Variants in TBC1D32 observed in about 807,000 individuals in gnomAD.
The protein encoded by TBC1D32 is TBC1 domain family member 32.
Under a neutral mutation model 170.3 loss-of-function variants are expected in TBC1D32, and 151 were observed. The observed-to-expected ratio is 0.89, with a 90% CI of 0.78 to 1.01. The LOEUF is 1.01. Ranked by LOEUF, TBC1D32 falls within the 50% of genes least tolerant of loss-of-function variation. The probability of loss-of-function intolerance (pLI) is 0.00; values close to 1 mark genes in which losing one functional copy is unlikely to be tolerated. For synonymous variants in TBC1D32, 498 were observed against 488.0 expected (o/e 1.02, Z -0.27); for missense variants, 1,464 against 1,457.1 (o/e 1.00, Z -0.08).
At chr6:121,175,023 C>CAAAA (rs34244749) in intron 22 of TBC1D32, among the ~76,000 whole-genome samples, 6 of 130,888 alleles carry the variant, frequency 4.6e-5, no homozygotes, top group African/African-American at 8.9e-5. Context: ...CAGACCTTGT[C>CAAAA]AAAAAAAAAA....
rs1033996268 is a variant in TBC1D32 at position 121,169,488 on chromosome 6, G to T, written c.2571-8432C>A. 2.0e-5 allele frequency among the ~76,000 whole-genome samples: 3 copies of T among 152,196 alleles called. No individual in the cohort carries two copies. In the East Asian group the frequency reaches 5.8e-4, roughly 29 times the overall value. ...TCTCTTTGCTAGACAGCAAAAAATT[G>T]ATGGAGATACAATGACATTAATTAA... On this transcript the variant is annotated intron_variant, in intron 22 of 31. Transcript: ENST00000398212.
In TBC1D32 at chr6:121,334,457, A is replaced by T. The variant is rs779480062; in HGVS notation, c.-27T>A. The stretch of plus-strand genomic sequence containing the variant: ...CTGTTGGAATCAAACGTCCACTCTC[A>T]TTACTCCAGGTCCGAGCAAAAGCCG... On this transcript the variant is annotated 5_prime_UTR_variant, in exon 1 of 32. The change abolishes an upstream ATG in the 5' untranslated region. Transcript: ENST00000398212. 1.2e-6 allele frequency: 2 copies of T among 1,604,892 alleles called. No homozygotes were observed. Among genetic ancestry groups the T allele is most frequent in the Non-Finnish European group, 1.7e-6 (2 of 1,175,320 alleles).
At chr6:121,288,467 T>C (rs1273821434) in intron 12 of TBC1D32, among the ~76,000 whole-genome samples, 4 of 152,156 alleles carry the variant, frequency 2.6e-5, no homozygotes, top group Non-Finnish European at 5.9e-5. Context: ...AAGTTGAATC[T>C]CTGAATAGAC....
At chr6:121,101,791 T>G (rs1343263255) in intron 30 of TBC1D32, among the ~76,000 whole-genome samples, 1 of 151,750 alleles carries the variant, frequency 6.6e-6, no homozygotes, top group East Asian at 1.9e-4. Context: ...AAAGAGGAAG[T>G]CAAATTGTCC....
At chr6:121,154,433 T>A (rs1582999077) in intron 24 of TBC1D32, among the ~76,000 whole-genome samples, 2 of 152,216 alleles carry the variant, frequency 1.3e-5, no homozygotes, top group African/African-American at 4.8e-5. Context: ...GCTGTTCCTA[T>A]TACGCCATCT....
chr6:121,276,652 A>T (rs77766800), intron 15 of TBC1D32, among the ~76,000 whole-genome samples: 3,637 of 152,212 alleles, frequency 0.024, 161 homozygotes, highest in East Asian at 0.12. Flanking sequence ...GTCTATAAAA[A>T]TCCCACTTTA....
chr6:121,142,938 C>G (rs1177686243), intron 24 of TBC1D32, among the ~76,000 whole-genome samples: 3 of 152,170 alleles, frequency 2.0e-5, no homozygotes, highest in Non-Finnish European at 4.4e-5. Context: ...AACATGCTAA[C>G]TGGTACTTGC....
At chr6:121,280,393 G>A (rs976098132) in intron 14 of TBC1D32, among the ~76,000 whole-genome samples, 1 of 151,758 alleles carries the variant, frequency 6.6e-6, no homozygotes, top group Non-Finnish European at 1.5e-5. Flanking sequence ...ATATAGTAGA[G>A]GTTCAATGGT....
intron 4 of TBC1D32, among the ~76,000 whole-genome samples, chr6:121,310,291 T>A (rs1402291857): frequency 6.6e-6 from 1 of 152,178 alleles, no homozygotes; most frequent in East Asian, 1.9e-4. Flanking sequence ...AGGCAATGCA[T>A]GTTAGAACAG....
At chr6:121,106,368 A>G (rs1778683591) in intron 29 of TBC1D32, among the ~76,000 whole-genome samples, 1 of 152,032 alleles carries the variant, frequency 6.6e-6, no homozygotes, top group Admixed American at 6.6e-5. Context: ...AGAAATTTTG[A>G]TAAAGGCAGT....
At position 121,080,107 on chromosome 6, in the gene TBC1D32, T is replaced by G. The variant is rs1040702536; in HGVS notation, c.*664A>C. The G allele has an allele frequency of 6.6e-6, 1 of 152,440 alleles. No individual in the cohort carries two copies. The highest frequency in any genetic ancestry group is 1.5e-5 in the Non-Finnish European group (1 of 68,222). 9.4% of individuals were successfully genotyped at this position (152,440 alleles called of 1,614,324 possible). A position where few individuals can be genotyped will look rare whatever the true frequency, so the allele number is the denominator to read the frequency against. ...GAAATACTGTCTTTTCCTTGTCTTA[T>G]GGGCTTTCTGCAGCTAGTCAAAATA... On this transcript the variant is annotated 3_prime_UTR_variant, in exon 32 of 32. Transcript: ENST00000398212.
chr6:121,255,749 C>T (rs1563100901), intron 16 of TBC1D32, among the ~76,000 whole-genome samples: 1 of 151,940 alleles, frequency 6.6e-6, no homozygotes, highest in Non-Finnish European at 1.5e-5. Context: ...TCTCTAGTAT[C>T]CACAACAAAA....
At chr6:121,299,587 C>T (rs1485025619) in intron 9 of TBC1D32, 82 bp from the exon 10 acceptor site, 2 of 1,311,754 alleles carry the variant, frequency 1.5e-6, no homozygotes, top group Non-Finnish European at 2.1e-6. Flanking sequence ...CTAATGACAA[C>T]ATCATAAATC....
rs115815308 is a variant in TBC1D32 at position 121,099,115 on chromosome 6, T to C, written c.3465+6908A>G. 1.5e-3 allele frequency among the ~76,000 whole-genome samples: 231 copies of C among 152,090 alleles called. 1 individual carries two copies. The highest frequency in any genetic ancestry group is 5.4e-3 in the African/African-American group (224 of 41,536). On this transcript the variant is annotated intron_variant, in intron 30 of 31. Transcript: ENST00000398212. ...GAGCAAATGAGAAAATCCATGCAGG[T>C]TTTTATACTTTATATCCAGGGGATT...
intron 3 of TBC1D32, among the ~76,000 whole-genome samples, chr6:121,311,501 G>A (rs9320805): frequency 0.66 from 100,448 of 151,972 alleles, 38,222 homozygotes; most frequent in Non-Finnish European, 0.85. Context: ...AGTCCAAGGC[G>A]GGCGGATCAC....
intron 15 of TBC1D32, among the ~76,000 whole-genome samples, chr6:121,272,056 A>G (rs1240311191): frequency 1.3e-5 from 2 of 152,114 alleles, no homozygotes; most frequent in African/African-American, 2.4e-5. Flanking sequence ...CTAGCCATAT[A>G]TAGAAAGCTG....
At chr6:121,094,137 T>A (rs1777128996) in intron 30 of TBC1D32, among the ~76,000 whole-genome samples, 2 of 152,048 alleles carry the variant, frequency 1.3e-5, no homozygotes, top group Non-Finnish European at 2.9e-5. Context: ...TGCTGAGCTA[T>A]GAGTCATAAA....
chr6:121,112,603 T>C lies in TBC1D32; in HGVS notation c.3226A>G (p.Ile1076Val). ...HDWFVSSLFM[I>V]MLGDKEKTFQ... Reference sequence around the variant, plus strand: ...GTTTTTTCTTTGTCTCCCAACATTATCATGAACAGAGAAGATACAAACCAG... The same window carrying C: ...GTTTTTTCTTTGTCTCCCAACATTACCATGAACAGAGAAGATACAAACCAG... The change falls in exon 29 of 32, where the codon ATA becomes GTA. Residue 1076 changes from isoleucine (I) to valine (V), a missense_variant. Physicochemically the swap from Ile to Val is conservative, Grantham distance 29. Transcript: ENST00000398212. 1.9e-6 allele frequency: 3 copies of C among 1,610,154 alleles called. No homozygotes were observed. Among genetic ancestry groups the C allele is most frequent in the African/African-American group, 2.7e-5 (2 of 74,936 alleles).
At chr6:121,291,955 C>T in intron 12 of TBC1D32, 98 bp downstream of exon 12, 2 of 1,268,186 alleles carry the variant, frequency 1.6e-6, no homozygotes, top group Non-Finnish European at 2.1e-6. Context: ...TAGCTAAGTA[C>T]CGTAGAAAGG....
Sources: gnomAD v4.1 joint callset for allele counts (sites outside exome capture counted in the v4.1 genomes callset) on GRCh38, gnomAD v4.1.1 for gene constraint, MANE v1.5 for transcripts, NCBI Gene and HGNC (gene_info 2026-07-23, HGNC 2026-07-21) for gene names.